UGT1A9: variants seen among roughly 807,000 people sequenced by gnomAD.
UGT1A9 encodes the protein UDP glucuronosyltransferase family 1 member A9.
UGT1A9 carries 35 observed loss-of-function variants against 45.0 expected under a neutral mutation model. The ratio of observed to expected loss-of-function variants is 0.78; its 90% CI spans 0.59 to 1.03. The LOEUF (loss-of-function observed/expected upper bound fraction) is 1.03. UGT1A9 is among the 50% of genes least tolerant of loss of function. UGT1A9 has a pLI of 0.00. For missense variants in UGT1A9, 687 were observed against 666.6 expected (o/e 1.03, Z -0.34); for synonymous variants, 278 against 250.6 (o/e 1.11, Z -1.03).
chr2:233,682,197 A>C, intron 1 of UGT1A9: 1 of 1,614,206 alleles, frequency 6.2e-7, no homozygotes, highest in Non-Finnish European at 8.5e-7. Flanking sequence ...GAGGATCAGG[A>C]CCGGGAGTTC....
At chr2:233,753,361 T>G (rs1274018871) in intron 1 of UGT1A9, 1 of 152,246 alleles carries the variant, frequency 6.6e-6, no homozygotes, top group Admixed American at 6.5e-5. Context: ...ATTACTTGGG[T>G]GCCATTCCAT....
intron 1 of UGT1A9, chr2:233,690,543 G>A (rs1279045231): frequency 1.5e-5 from 19 of 1,289,462 alleles, no homozygotes; most frequent in Non-Finnish European, 1.9e-5. Context: ...CACCCCACTG[G>A]AATATGTCCC....
chr2:233,724,974 A>T (rs1313555521), intron 1 of UGT1A9, among the ~76,000 whole-genome samples: 1 of 135,272 alleles, frequency 7.4e-6, no homozygotes, highest in East Asian at 2.1e-4. Flanking sequence ...AGGTTGGCGG[A>T]TCACTCGCGG....
chr2:233,716,944 C>T (rs192038385), intron 1 of UGT1A9, among the ~76,000 whole-genome samples: 1 of 152,264 alleles, frequency 6.6e-6, no homozygotes, highest in Non-Finnish European at 1.5e-5. Context: ...CTCCTATTTC[C>T]CAGGCACCAG....
chr2:233,743,650 G>T, intron 1 of UGT1A9: 1 of 1,367,276 alleles, frequency 7.3e-7, no homozygotes, highest in Non-Finnish European at 9.8e-7. Context: ...AGCTGAAGAC[G>T]TACTCGAAGG....
intron 1 of UGT1A9, among the ~76,000 whole-genome samples, chr2:233,676,897 C>T (rs535214025): frequency 6.6e-5 from 10 of 152,076 alleles, no homozygotes; most frequent in African/African-American, 1.7e-4. Context: ...CATCTGTGCA[C>T]GTATTTCTAG....
chr2:233,712,949 A>C, intron 1 of UGT1A9: 1 of 1,612,750 alleles, frequency 6.2e-7, no homozygotes. Flanking sequence ...TCTAGGAGGC[A>C]CAACGTGGGG....
At chr2:233,740,532 G>A (rs1691412660) in intron 1 of UGT1A9, among the ~76,000 whole-genome samples, 1 of 151,892 alleles carries the variant, frequency 6.6e-6, no homozygotes. Context: ...AATCAGCTGT[G>A]TTGAACTCCA....
At chr2:233,750,678 C>T (rs1368928453) in intron 1 of UGT1A9, 1 of 151,600 alleles carries the variant, frequency 6.6e-6, no homozygotes, top group Admixed American at 6.5e-5. Context: ...CCCAGTGGCT[C>T]CAGCCATGGC....
At chr2:233,710,843 G>T (rs1338950468) in intron 1 of UGT1A9, among the ~76,000 whole-genome samples, 1 of 152,164 alleles carries the variant, frequency 6.6e-6, no homozygotes, top group Admixed American at 6.5e-5. Flanking sequence ...AAAGGTGGGA[G>T]GATTTGTTTC....
chr2:233,762,928 A>G (rs1698198044), intron 1 of UGT1A9, among the ~76,000 whole-genome samples: 1 of 152,220 alleles, frequency 6.6e-6, no homozygotes, highest in African/African-American at 2.4e-5. Flanking sequence ...TAGAATCTCT[A>G]AAAACAGTTG....
At chr2:233,754,750 A>G in intron 1 of UGT1A9, 1 of 810,338 alleles carries the variant, frequency 1.2e-6, no homozygotes, top group Non-Finnish European at 1.9e-6. Context: ...ATGCAGAAGG[A>G]AGAAAGGCCC....
intron 1 of UGT1A9, chr2:233,693,455 C>G (rs773557629): frequency 6.2e-7 from 1 of 1,614,054 alleles, no homozygotes; most frequent in Non-Finnish European, 8.5e-7. Context: ...TTTCACAGAC[C>G]CAGCCTTACC....
At chr2:233,699,889 A>G (rs1435018489) in intron 1 of UGT1A9, among the ~76,000 whole-genome samples, 1 of 152,154 alleles carries the variant, frequency 6.6e-6, no homozygotes, top group Non-Finnish European at 1.5e-5. Context: ...GCAATTGGAG[A>G]GGCGAAATAG....
chr2:233,742,713 C>T lies in UGT1A9; in HGVS notation c.856-24321C>T, dbSNP rs546122146. 3.3e-4 allele frequency: 50 copies of T among 152,640 alleles called. 1 individual carries two copies. Among genetic ancestry groups the T allele is most frequent in the African/African-American group, 1.1e-3 (46 of 41,252 alleles). 9.5% of individuals were successfully genotyped at this position (152,640 alleles called of 1,614,324 possible). On this transcript the variant is annotated intron_variant, in intron 1 of 4. Coordinates refer to ENST00000354728, the MANE Select transcript of UGT1A9 (RefSeq NM_021027.3). ...GGGAACATGCTTCCACCGATTTCAG[C>T]TCAGTGATATGGGATTCAAATGTCT... is the stretch of plus-strand genomic sequence containing the variant.
intron 1 of UGT1A9, among the ~76,000 whole-genome samples, chr2:233,716,976 C>T (rs1875263): frequency 0.42 from 64,188 of 151,992 alleles, 14,717 homozygotes; most frequent in African/African-American, 0.61. Context: ...TCTCCCTCCC[C>T]ACAGTCCTGC....
At chr2:233,717,723 G>T in intron 1 of UGT1A9, 1 of 455,670 alleles carries the variant, frequency 2.2e-6, no homozygotes. Context: ...ATGGGCATGA[G>T]ACCATTGTGA....
chr2:233,672,388 A>G lies in UGT1A9; in HGVS notation c.454A>G (p.Asn152Asp), dbSNP rs768335644. ...TGCAGTGTTTCTCGATCCTTTTGAT[A>G]ACTGTGGCTTAATTGTTGCCAAATA... is the stretch of plus-strand genomic sequence containing the variant. ...FDAVFLDPFD[N>D]CGLIVAKYFS... is the part of the protein sequence containing the mutation. The change falls in exon 1 of 5, where the codon AAC (asparagine) becomes GAC (aspartate). Residue 152 changes from asparagine to aspartate, a missense_variant. Transcript: ENST00000354728. 2.0e-5 allele frequency: 32 copies of G among 1,613,986 alleles called. 1 individual carries two copies. The highest frequency in any genetic ancestry group is 1.6e-4 in the Middle Eastern group (1 of 6,078).
chr2:233,684,600 A>G (rs918853342), intron 1 of UGT1A9, among the ~76,000 whole-genome samples: 11 of 152,176 alleles, frequency 7.2e-5, no homozygotes, highest in Non-Finnish European at 1.5e-4. Flanking sequence ...ATAGTTTTAC[A>G]TATTTTGGTT....
Sources: allele counts gnomAD v4.1 joint callset (sites outside exome capture counted in the v4.1 genomes callset), GRCh38; gene constraint gnomAD v4.1.1; transcripts MANE v1.5; gene names NCBI Gene and HGNC (gene_info 2026-07-23, HGNC 2026-07-21).